Variants in SNTG1 observed in about 807,000 individuals in gnomAD.
The protein encoded by SNTG1 is gamma-1-syntrophin.
SNTG1 carries 39 observed loss-of-function variants against 74.7 expected under a neutral mutation model. That is an observed-to-expected ratio of 0.52 (90% CI 0.40 to 0.68). The LOEUF (loss-of-function observed/expected upper bound fraction) is 0.68, where lower values mean the gene tolerates loss of function less well. Ranked by LOEUF, SNTG1 falls within the 30% of genes least tolerant of loss-of-function variation. The pLI is 0.00. For missense variants in SNTG1, 685 were observed against 609.5 expected, an observed-to-expected ratio of 1.12 and a Z score of -1.30; for synonymous variants, 254 against 217.1, an observed-to-expected ratio of 1.17 and a Z score of -1.49.
At chr8:50,090,155 A>G (rs1391031050) in intron 1 of SNTG1, among the ~76,000 whole-genome samples, 1 of 152,196 alleles carries the variant, frequency 6.6e-6, no homozygotes, top group African/African-American at 2.4e-5. Flanking sequence ...CTTCTTAAAT[A>G]TTATAAAATC....
chr8:50,668,742 C>A (rs2095263075), intron 15 of SNTG1, among the ~76,000 whole-genome samples: 1 of 151,622 alleles, frequency 6.6e-6, no homozygotes, highest in South Asian at 2.1e-4. Flanking sequence ...TGAGTGAGAA[C>A]ATGTCAGTGA....
At chr8:50,550,189 C>T (rs1321482862) in intron 11 of SNTG1, among the ~76,000 whole-genome samples, 2 of 152,134 alleles carry the variant, frequency 1.3e-5, no homozygotes, top group African/African-American at 4.8e-5. Context: ...GCCACTCTGG[C>T]CCTCTATATG....
intron 17 of SNTG1, among the ~76,000 whole-genome samples, chr8:50,725,204 T>C (rs1211342003): frequency 1.3e-5 from 2 of 152,202 alleles, no homozygotes; most frequent in Non-Finnish European, 1.5e-5. Context: ...TTAAAATAAC[T>C]ACTAATCCTG....
upstream of SNTG1, chr8:49,909,921 C>G (rs940111533): frequency 6.6e-6 from 1 of 152,294 alleles, no homozygotes; most frequent in African/African-American, 2.4e-5. Context: ...AAATACGCGG[C>G]CTGTTTGGTT....
chr8:50,586,652 T>TACAC (rs3036686), intron 12 of SNTG1, among the ~76,000 whole-genome samples: 44 of 149,432 alleles, frequency 2.9e-4, no homozygotes, highest in African/African-American at 1.0e-3. Context: ...ATTTCATTAA[T>TACAC]ACACACACAC....
chr8:50,210,061 A>C (rs1191905104), intron 2 of SNTG1, among the ~76,000 whole-genome samples: 1 of 152,176 alleles, frequency 6.6e-6, no homozygotes, highest in African/African-American at 2.4e-5. Context: ...AAACCATGGC[A>C]CGAGAACTAC....
At chr8:50,125,404 T>G (rs981385522) in intron 1 of SNTG1, among the ~76,000 whole-genome samples, 5 of 142,640 alleles carry the variant, frequency 3.5e-5, no homozygotes, top group African/African-American at 1.3e-4. Context: ...AGATGGTTAA[T>G]TTTGTCCAAT....
intron 1 of SNTG1, among the ~76,000 whole-genome samples, chr8:49,924,208 G>A (rs1691680979): frequency 6.6e-6 from 1 of 152,092 alleles, no homozygotes; most frequent in Admixed American, 6.6e-5. Flanking sequence ...AGTTTCACCG[G>A]TAGTATCTGA....
intron 12 of SNTG1, among the ~76,000 whole-genome samples, chr8:50,571,763 C>G (rs1295014616): frequency 1.3e-5 from 2 of 152,172 alleles, no homozygotes; most frequent in African/African-American, 4.8e-5. Flanking sequence ...GTGATTCGCT[C>G]TCACCTCCTA....
chr8:50,284,840 A>G (rs1403810132), intron 2 of SNTG1, among the ~76,000 whole-genome samples: 1 of 152,158 alleles, frequency 6.6e-6, no homozygotes, highest in Non-Finnish European at 1.5e-5. Flanking sequence ...CAATAAAAAT[A>G]AACTCTCCTA....
At chr8:50,206,993 T>C (rs2084274740) in intron 2 of SNTG1, among the ~76,000 whole-genome samples, 1 of 152,198 alleles carries the variant, frequency 6.6e-6, no homozygotes, top group African/African-American at 2.4e-5. Flanking sequence ...GATTTTTGCA[T>C]TAATGTTCAT....
At chr8:50,343,542 T>G (rs1205911658) in intron 2 of SNTG1, among the ~76,000 whole-genome samples, 8 of 152,130 alleles carry the variant, frequency 5.3e-5, no homozygotes, top group African/African-American at 1.9e-4. Context: ...CAAATCAATC[T>G]TAACATAAAT....
intron 18 of SNTG1, among the ~76,000 whole-genome samples, chr8:50,776,432 A>G (rs955915298): frequency 6.1e-5 from 9 of 147,242 alleles, no homozygotes; most frequent in Non-Finnish European, 1.5e-5. Context: ...TATAATATTT[A>G]TATGTTATAT....
chr8:50,772,664 C>T (rs2095630053), intron 18 of SNTG1, among the ~76,000 whole-genome samples: 1 of 152,038 alleles, frequency 6.6e-6, no homozygotes, highest in African/African-American at 2.4e-5. Context: ...AAATGCTTCA[C>T]TTTGAATATG....
intron 13 of SNTG1, among the ~76,000 whole-genome samples, chr8:50,609,223 G>A (rs2130975349): frequency 6.6e-6 from 1 of 152,066 alleles, no homozygotes; most frequent in East Asian, 1.9e-4. Context: ...ATTTCATGTG[G>A]GGAATATTTT....
chr8:50,042,228 G>T (rs1012247566), intron 1 of SNTG1, among the ~76,000 whole-genome samples: 1 of 151,718 alleles, frequency 6.6e-6, no homozygotes, highest in African/African-American at 2.4e-5. Context: ...TCTCTCTCTG[G>T]GATCTGTTCC....
intron 4 of SNTG1, among the ~76,000 whole-genome samples, chr8:50,406,760 G>A (rs1000914405): frequency 1.3e-5 from 2 of 152,124 alleles, no homozygotes; most frequent in Non-Finnish European, 2.9e-5. Context: ...GAAAGGTATT[G>A]AAGTTTGTCA....
At chr8:50,368,918 C>T (rs2092195739) in intron 2 of SNTG1, among the ~76,000 whole-genome samples, 1 of 152,138 alleles carries the variant, frequency 6.6e-6, no homozygotes, top group African/African-American at 2.4e-5. Flanking sequence ...TTTGGAGACA[C>T]ATAACTTGTC....
chr8:49,920,535 GTAAA>G (rs1446462746), intron 1 of SNTG1, among the ~76,000 whole-genome samples: 1 of 151,898 alleles, frequency 6.6e-6, no homozygotes, highest in Non-Finnish European at 1.5e-5. Context: ...TTAGATTGCA[GTAAA>G]TAAATAAAAA....
Sources: allele counts gnomAD v4.1 joint callset (sites outside exome capture counted in the v4.1 genomes callset), GRCh38; gene constraint gnomAD v4.1.1; transcripts MANE v1.5; gene names NCBI Gene and HGNC (gene_info 2026-07-23, HGNC 2026-07-21).